Variants in SYT12 observed in about 807,000 individuals in gnomAD.
The protein encoded by SYT12 is synaptotagmin-12.
A neutral mutation model predicts 39.5 loss-of-function variants in SYT12; 27 were observed. That is an observed-to-expected ratio of 0.68 (90% CI 0.50 to 0.94). The LOEUF is 0.94. Ranked by LOEUF, SYT12 falls within the 40% of genes least tolerant of loss-of-function variation. The probability of loss-of-function intolerance (pLI) is 0.00; values close to 1 mark genes in which losing one functional copy is unlikely to be tolerated. For missense variants in SYT12, 536 were observed against 572.6 expected (o/e 0.94, Z 0.65); for synonymous variants, 233 against 239.7 (o/e 0.97, Z 0.26).
chr11:67,031,539 A>G (rs1338163220), intron 2 of SYT12: 1 of 152,324 alleles, frequency 6.6e-6, no homozygotes, highest in East Asian at 1.9e-4. Flanking sequence ...GGCCTGGCAA[A>G]TCATAAATAG....
intron 2 of SYT12, among the ~76,000 whole-genome samples, chr11:67,010,417 G>A (rs1950005223): frequency 6.6e-6 from 1 of 152,222 alleles, no homozygotes; most frequent in South Asian, 2.1e-4. Flanking sequence ...AGGAGAGATT[G>A]CAGCCAAGAC....
chr11:67,043,971 A>G, intron 5 of SYT12, 118 bp downstream of exon 5: 1 of 982,208 alleles, frequency 1.0e-6, no homozygotes, highest in Non-Finnish European at 1.5e-6. Flanking sequence ...CATCATTAGG[A>G]GAGCAGAGAA....
rs1406300999 is a variant in SYT12, at chr11:67,043,793, T to C, written c.777T>C (p.Ser259=). The C allele has an allele frequency of 1.9e-6, 3 of 1,614,122 alleles. No homozygotes were observed. The highest frequency in any genetic ancestry group is 2.5e-6 in the Non-Finnish European group (3 of 1,180,020). The part of the protein sequence containing the change: ...VSTGVVELKL[S]VLDLPLQPFS... ...CGGGGGTGGTGGAGCTGAAGCTTTC[T>C]GTGCTTGACCTCCCGCTGCAGCCCT... Residue 259 remains serine, a synonymous_variant, in exon 5 of 8, where the codon TCT becomes TCC. Coordinates refer to ENST00000527043, the MANE Select transcript of SYT12 (RefSeq NM_177963.4).
chr11:67,036,707 G>A (rs530809298), intron 3 of SYT12, among the ~76,000 whole-genome samples: 5 of 152,124 alleles, frequency 3.3e-5, no homozygotes, highest in East Asian at 3.9e-4. Context: ...AGGCCGAGGC[G>A]GGCAGATCTC....
intron 3 of SYT12, among the ~76,000 whole-genome samples, chr11:67,038,469 A>G (rs1366170184): frequency 1.3e-5 from 2 of 151,042 alleles, no homozygotes; most frequent in Non-Finnish European, 1.5e-5. Flanking sequence ...TGGCCAAGGG[A>G]AAAAAAAATT....
chr11:67,032,460 C>T (rs2136213337), intron 2 of SYT12: 1 of 152,362 alleles, frequency 6.6e-6, no homozygotes, highest in South Asian at 2.1e-4. Flanking sequence ...TCCGCATTTT[C>T]CAAACGGAGT....
chr11:67,010,686 G>A (rs1442303044), intron 2 of SYT12: 1 of 152,358 alleles, frequency 6.6e-6, no homozygotes, highest in Admixed American at 6.5e-5. Context: ...GGCAGCCTGG[G>A]AAAGGGCAGC....
Position 67,043,246 on chromosome 11 carries a change from A to C in SYT12, c.622-392A>C, listed in dbSNP as rs190109604. Among the ~76,000 whole-genome samples, 18 of 152,284 alleles carry C rather than the reference A, an allele frequency of 1.2e-4. No homozygotes were observed. The East Asian group carries it at 2.5e-3, about 21-fold the overall frequency. The stretch of plus-strand genomic sequence containing the variant: ...GGGCCAGGCTCTGCAGGAACCTGGG[A>C]CGTCAGTGGCTCGTGACTCCACAGG... On this transcript the variant is annotated intron_variant, in intron 4 of 7. Transcript: ENST00000527043.
Position 67,044,588 on chromosome 11 carries a change from C to T in SYT12, c.838-5C>T, listed in dbSNP as rs201520196. 1.8e-5 allele frequency: 29 copies of T among 1,612,048 alleles called. No homozygotes were observed. The East Asian group carries it at 5.8e-4, about 32-fold the overall frequency. On this transcript the variant is annotated splice_region_variant and splice_polypyrimidine_tract_variant and intron_variant, in intron 5 of 7. Coordinates refer to ENST00000527043, the MANE Select transcript of SYT12 (RefSeq NM_177963.4). The stretch of plus-strand genomic sequence containing the variant: ...AGCCCTCTGAGCCACCTGTCTGTCC[C>T]CCAGGCCGCCGATGCTGTGGGGGAG...
intron 6 of SYT12, 50 bp downstream of exon 6, chr11:67,044,763 G>A (rs1266459112): frequency 1.9e-6 from 3 of 1,607,808 alleles, no homozygotes; most frequent in Non-Finnish European, 2.6e-6. Context: ...AGTGGAAGCT[G>A]TGGCCCAGCT....
intron 5 of SYT12, among the ~76,000 whole-genome samples, chr11:67,044,212 T>C (rs1950567305): frequency 6.6e-6 from 1 of 152,234 alleles, no homozygotes; most frequent in African/African-American, 2.4e-5. Flanking sequence ...AACATCATTG[T>C]TGTTTAATCA....
At position 67,050,492 on chromosome 11, in the gene SYT12, G is replaced by A. The variant is rs1282257727; in HGVS notation, c.*1735G>A. 6.6e-6 allele frequency: 1 copy of A among 152,392 alleles called. No homozygotes were observed. Among genetic ancestry groups the A allele is most frequent in the Non-Finnish European group, 1.5e-5 (1 of 68,214 alleles). The allele number at this position is 152,392 out of a possible 1,614,324, so 9.4% of individuals were successfully genotyped here. A position where few individuals can be genotyped will look rare whatever the true frequency, so the allele number is the denominator to read the frequency against. On this transcript the variant is annotated 3_prime_UTR_variant, in exon 8 of 8. Coordinates refer to ENST00000527043, the MANE Select transcript of SYT12 (RefSeq NM_177963.4). The stretch of plus-strand genomic sequence containing the variant: ...CAAGGGCCCAGGGGACTGGAGGCAG[G>A]ATGGTGGCTTTCCCTACCTGACACA...
rs1007716186 is a variant in SYT12 at position 67,040,172 on chromosome 11, TGCCGGACGA to T, written c.593_601del (p.Pro198_Glu200del). 2 of 1,590,730 alleles carry T rather than the reference TGCCGGACGA, an allele frequency of 1.3e-6. No homozygotes were observed. The highest frequency in any genetic ancestry group is 1.7e-6 in the Non-Finnish European group (2 of 1,165,474). On this transcript the variant is annotated inframe_deletion, in exon 4 of 8. Transcript: ENST00000527043. ...TCCTGCTTCATGCGCGTCAGCCTGC[TGCCGGACGA>T]GCAGATCGTGGGCATTTCTCGGGTA... is the stretch of plus-strand genomic sequence containing the variant.
intron 2 of SYT12, among the ~76,000 whole-genome samples, chr11:67,033,852 G>A (rs1409730770): frequency 6.6e-6 from 1 of 152,188 alleles, no homozygotes; most frequent in East Asian, 1.9e-4. Context: ...CGTGCCAAGC[G>A]CGGTGCTGGG....
chr11:67,042,101 A>G (rs1950523155), intron 4 of SYT12, among the ~76,000 whole-genome samples: 1 of 152,152 alleles, frequency 6.6e-6, no homozygotes, highest in Non-Finnish European at 1.5e-5. Flanking sequence ...AGGACCCTGG[A>G]GCCTGACTGC....
At chr11:67,013,575 C>CCTGT (rs10661797) in intron 3 of SYT12, among the ~76,000 whole-genome samples, 5,270 of 152,258 alleles carry the variant, frequency 0.035, 298 homozygotes, top group African/African-American at 0.12. Flanking sequence ...GGCTCCTGGC[C>CCTGT]CACAAGCCCC....
intron 3 of SYT12, among the ~76,000 whole-genome samples, chr11:67,016,741 C>T (rs532690229): frequency 4.6e-5 from 7 of 152,220 alleles, no homozygotes; most frequent in Non-Finnish European, 7.4e-5. Context: ...GAGCTATGCT[C>T]GTGCCCATGC....
In SYT12 at chr11:67,048,716, C is replaced by G; in HGVS notation, c.1225C>G (p.Arg409Gly). The change falls in exon 8 of 8, where the codon CGC (arginine) becomes GGC (glycine). Residue 409 changes from arginine (R) to glycine (G), a missense_variant. Transcript: ENST00000527043. ...THWNQMLATLRRPVSMWHAVR... is the reference protein window; with the variant it reads ...THWNQMLATLGRPVSMWHAVR... The stretch of plus-strand genomic sequence containing the variant: ...TTGGAACCAGATGTTGGCCACGCTG[C>G]GCAGGCCCGTGTCCATGTGGCACGC... The G allele has an allele frequency of 6.2e-7, 1 of 1,608,602 alleles. No individual in the cohort carries two copies. Among genetic ancestry groups the G allele is most frequent in the Non-Finnish European group, 8.5e-7 (1 of 1,175,732 alleles).
chr11:67,019,513 C>G (rs1057321701), upstream of SYT12, among the ~76,000 whole-genome samples: 1 of 151,738 alleles, frequency 6.6e-6, no homozygotes, highest in Non-Finnish European at 1.5e-5. Flanking sequence ...CTTACTACCA[C>G]GAGAACAGTA....
Sources: allele counts gnomAD v4.1 joint callset (sites outside exome capture counted in the v4.1 genomes callset), GRCh38; gene constraint gnomAD v4.1.1; transcripts MANE v1.5; gene names NCBI Gene and HGNC (gene_info 2026-07-23, HGNC 2026-07-21).